ZSWIM8: variants seen among roughly 807,000 people sequenced by gnomAD.
ZSWIM8 encodes the protein zinc finger SWIM-type containing 8.
ZSWIM8 carries 27 observed loss-of-function variants against 173.7 expected under a neutral mutation model. The observed-to-expected ratio is 0.16, with a 90% CI of 0.11 to 0.21. The LOEUF (loss-of-function observed/expected upper bound fraction) is 0.21. ZSWIM8 is among the 10% of genes least tolerant of loss of function. The pLI, the probability that ZSWIM8 is intolerant of heterozygous loss-of-function variation, is 1.00. For missense variants in ZSWIM8, 1,627 were observed against 2,428.8 expected (o/e 0.67, Z 6.94); for synonymous variants, 958 against 962.0 (o/e 1.00, Z 0.08).
Position 73,794,058 on chromosome 10 carries a change from T to C in ZSWIM8, c.2625+14T>C. ...AAGGCCTTGGAGGTCAGAGGCTCCA[T>C]CTCAGCCTTGTATTTCAGTCTCTTT... On this transcript the variant is annotated intron_variant, in intron 12 of 25. Coordinates refer to ENST00000604729, the MANE Select transcript of ZSWIM8 (RefSeq NM_001367799.1). 1 of 1,612,036 alleles carries C rather than the reference T, an allele frequency of 6.2e-7. No individual in the cohort carries two copies. The highest frequency in any genetic ancestry group is 2.2e-5 in the East Asian group (1 of 44,864).
At position 73,801,318 on chromosome 10, in the gene ZSWIM8, C is replaced by T. The variant is rs41306536; in HGVS notation, c.5304C>T (p.Tyr1768=). ...ATCCTGCACACATCCTCCTCCAGTA[C>T]ATCCACCACCGCTTGATTCACCTGA... ...VQRCQQAYMQ[Y]IHHRLIHLTP... is the part of the protein sequence containing the mutation. The change falls in exon 26 of 26, where the codon TAC becomes TAT. Residue 1768 remains tyrosine (Y), a splice_region_variant and synonymous_variant. Transcript: ENST00000604729. The surrounding 1 kb of genome is among the most constrained non-coding windows in gnomAD (Gnocchi z 4.9). 61 of 1,613,726 alleles carry T rather than the reference C, an allele frequency of 3.8e-5. No individual in the cohort carries two copies. Among genetic ancestry groups the T allele is most frequent in the Non-Finnish European group, 5.2e-5 (61 of 1,179,674 alleles).
In ZSWIM8 at chr10:73,792,183, G is replaced by A. The variant is rs778507282; in HGVS notation, c.1644G>A (p.Lys548=). 8.5e-6 allele frequency: 13 copies of A among 1,530,542 alleles called. No individual in the cohort carries two copies. In the South Asian group the frequency reaches 1.7e-4, roughly 20 times the overall value. 94.8% of individuals were successfully genotyped at this position (1,530,542 alleles called of 1,614,324 possible). ...PAVRPKEPGT[K]RKGLGEGVPS... ...TGCGGCCCAAGGAGCCTGGGACCAA[G>A]CGAAAGGGCTTGGGTGAGGGGGTCC... The change falls in exon 10 of 26, where the codon AAG becomes AAA. Residue 548 remains lysine, a synonymous_variant. Coordinates refer to ENST00000604729, the MANE Select transcript of ZSWIM8 (RefSeq NM_001367799.1). This position sits in a 1 kb window ranked among gnomAD's most constrained non-coding sequence, Gnocchi z 4.3.
chr10:73,798,960 A>G (rs1384955483), intron 20 of ZSWIM8, 42 bp from the exon 21 acceptor site: 39 of 1,562,436 alleles, frequency 2.5e-5, no homozygotes, highest in Non-Finnish European at 3.1e-5. Flanking sequence ...TCCATGTGGT[A>G]AAGGCCTTTC....
intron 1 of ZSWIM8, among the ~76,000 whole-genome samples, chr10:73,787,196 G>A (rs778010660): frequency 6.6e-5 from 10 of 152,096 alleles, no homozygotes; most frequent in Non-Finnish European, 1.3e-4. Context: ...TGCGCGCCTC[G>A]GCCTCCCGAA....
chr10:73,789,699 T>C lies in ZSWIM8; in HGVS notation c.631-18T>C, dbSNP rs573496124. 6.3e-6 allele frequency: 10 copies of C among 1,583,114 alleles called. No homozygotes were observed. In the African/African-American group the frequency reaches 1.3e-4, roughly 21 times the overall value. ...ACCTGTTCTCAGATTGTTCCATTTT[T>C]CTCTGTGTCCCCTTCAGGCTTCTGC... On this transcript the variant is annotated intron_variant, in intron 4 of 25. Coordinates refer to ENST00000604729, the MANE Select transcript of ZSWIM8 (RefSeq NM_001367799.1). This position sits in a 1 kb window ranked among gnomAD's most constrained non-coding sequence, Gnocchi z 6.8.
Position 73,789,804 on chromosome 10 carries a change from A to C in ZSWIM8, c.718A>C (p.Ile240Leu), listed in dbSNP as rs2083350909. Residue 240 changes from isoleucine (I) to leucine (L), a missense_variant, in exon 5 of 26, where the codon ATC (isoleucine) becomes CTC (leucine). Physicochemically the swap from Ile to Leu is conservative, Grantham distance 5. Transcript: ENST00000604729. This position sits in a 1 kb window ranked among gnomAD's most constrained non-coding sequence, Gnocchi z 6.8. ...GCTGCAAAAGTTTGCTCAGTACCTC[A>C]TCAGTGAGCTCCCTCAGCAGGTGGG... ...DQLQKFAQYLISELPQQILPT... is the reference protein window; with the variant it reads ...DQLQKFAQYLLSELPQQILPT... 6.2e-7 allele frequency: 1 copy of C among 1,608,424 alleles called. No homozygotes were observed. Among genetic ancestry groups the C allele is most frequent in the Admixed American group, 1.7e-5 (1 of 59,324 alleles).
intron 19 of ZSWIM8, 52 bp from the exon 20 acceptor site, chr10:73,798,178 C>T (rs1589590172): frequency 6.2e-7 from 1 of 1,603,900 alleles, no homozygotes; most frequent in East Asian, 2.2e-5. Context: ...ATTCTCACAC[C>T]CCAGTGGTGC....
chr10:73,801,231 T>C lies in ZSWIM8; in HGVS notation c.5301+36T>C. On this transcript the variant is annotated intron_variant, in intron 25 of 25. Transcript: ENST00000604729. The surrounding 1 kb of genome is among the most constrained non-coding windows in gnomAD (Gnocchi z 4.9). ...AGAATTATGGAGCAGGGTGGAGCAC[T>C]TCCTGGGTGGTCTTGGACCAGAGGG... is the stretch of plus-strand genomic sequence containing the variant. 1.9e-6 allele frequency: 3 copies of C among 1,601,894 alleles called. No homozygotes were observed. Among genetic ancestry groups the C allele is most frequent in the Non-Finnish European group, 2.6e-6 (3 of 1,172,582 alleles).
rs752400212 is a variant in ZSWIM8, at chr10:73,797,084, C to T, written c.3275-29C>T. ...ATGTTGAGGTCCCCTTTCCTGGGCT[C>T]ATCCCAGCGTCCTGTTTTCCTCACC... On this transcript the variant is annotated intron_variant, in intron 16 of 25. Transcript: ENST00000604729. The surrounding 1 kb of genome is among the most constrained non-coding windows in gnomAD (Gnocchi z 5.6). The T allele has an allele frequency of 6.2e-7, 1 of 1,613,192 alleles. No individual in the cohort carries two copies. Among genetic ancestry groups the T allele is most frequent in the Non-Finnish European group, 8.5e-7 (1 of 1,179,488 alleles).
Position 73,785,852 on chromosome 10 carries a change from G to C in ZSWIM8, c.-27G>C, listed in dbSNP as rs754654352. 8 of 1,476,432 alleles carry C rather than the reference G, an allele frequency of 5.4e-6. No homozygotes were observed. Among genetic ancestry groups the C allele is most frequent in the Non-Finnish European group, 7.2e-6 (8 of 1,110,324 alleles). The allele number at this position is 1,476,432 out of a possible 1,614,324, so 91.5% of individuals were successfully genotyped here. The stretch of plus-strand genomic sequence containing the variant: ...CCCAGGCCCCGGATCCGCGGGGGGG[G>C]ACCCGGCCCCGGGGGGTGCGGGCCC... On this transcript the variant is annotated 5_prime_UTR_variant, in exon 1 of 26. Transcript: ENST00000604729.
chr10:73,786,154 A>G, intron 1 of ZSWIM8, 68 bp downstream of exon 1: 1 of 1,410,150 alleles, frequency 7.1e-7, no homozygotes, highest in Non-Finnish European at 9.3e-7. Flanking sequence ...GCTGTCCGGG[A>G]CCAGGAGCTG....
In ZSWIM8 at chr10:73,801,495, C is replaced by A; in HGVS notation, c.5481C>A (p.Leu1827=). The A allele has an allele frequency of 6.2e-7, 1 of 1,613,922 alleles. No individual in the cohort carries two copies. Among genetic ancestry groups the A allele is most frequent in the South Asian group, 1.1e-5 (1 of 91,076 alleles). ...AGGAGCTGTGGCAGCGGGTCTCACT[C>A]GAGATGGCCACCTTCTCCCCCTGAG... ...QTKELWQRVS[L]EMATFSP The change falls in exon 26 of 26, where the codon CTC becomes CTA. Residue 1827 remains leucine (L), a synonymous_variant. Transcript: ENST00000604729. The surrounding 1 kb of genome is among the most constrained non-coding windows in gnomAD (Gnocchi z 4.9).
Position 73,792,650 on chromosome 10 carries a change from C to G in ZSWIM8, c.2111C>G (p.Ser704Cys), listed in dbSNP as rs1176935450. 3 of 1,614,044 alleles carry G rather than the reference C, an allele frequency of 1.9e-6. No individual in the cohort carries two copies. In the African/African-American group the frequency reaches 4.0e-5, roughly 21 times the overall value. The change falls in exon 10 of 26, where the codon TCT (serine) becomes TGT (cysteine). Residue 704 changes from serine to cysteine, a missense_variant. Ser to Cys is a moderately radical substitution (Grantham distance 112, BLOSUM62 -1). Transcript: ENST00000604729. This position sits in a 1 kb window ranked among gnomAD's most constrained non-coding sequence, Gnocchi z 4.3. ...GTCTGTACCCAGGACGACCTCCCTT[C>G]TACAGATGAGAGTGGCAATGGGCTT... ...GDVCTQDDLP[S>C]TDESGNGLPK... is the part of the protein sequence containing the mutation.
chr10:73,795,494 G>T, intron 14 of ZSWIM8, 45 bp from the exon 15 acceptor site: 1 of 1,609,868 alleles, frequency 6.2e-7, no homozygotes, highest in Non-Finnish European at 8.5e-7. Flanking sequence ...GCTGTCTTGG[G>T]AATTATGACT....
rs1195958860 is a variant in ZSWIM8, at chr10:73,794,609, C to G, written c.2878C>G (p.Leu960Val). The change falls in exon 14 of 26, where the codon CTT (leucine) becomes GTT (valine). Residue 960 changes from leucine to valine, a missense_variant. Leu to Val is a conservative substitution (Grantham distance 32, BLOSUM62 1). Around this residue, in one of 18 missense-constraint regions of ZSWIM8, gnomAD observed 169 missense variants for 235.3 expected, o/e 0.72. Transcript: ENST00000604729. ...WNSETPGDEE[L>V]GFEAAVAALG... The stretch of plus-strand genomic sequence containing the variant: ...CAGCGAGACACCTGGGGATGAGGAG[C>G]TTGGATTTGAAGCAGCAGTTGCTGC... The G allele has an allele frequency of 6.4e-7, 1 of 1,555,804 alleles. No homozygotes were observed. Among genetic ancestry groups the G allele is most frequent in the Admixed American group, 1.9e-5 (1 of 51,328 alleles).
At position 73,791,578 on chromosome 10, in the gene ZSWIM8, C is replaced by T. The variant is rs748175064; in HGVS notation, c.1319+79C>T. 1.3e-5 allele frequency: 18 copies of T among 1,415,616 alleles called. No homozygotes were observed. Among genetic ancestry groups the T allele is most frequent in the Non-Finnish European group, 1.6e-5 (17 of 1,064,868 alleles). 87.7% of individuals were successfully genotyped at this position (1,415,616 alleles called of 1,614,324 possible). A position where few individuals can be genotyped will look rare whatever the true frequency, so the allele number is the denominator to read the frequency against. Reference sequence around the variant, plus strand: ...GACTGAGCCTTCATCTCCTTGTTTGCAGAGACATACCATGATTTTAGTCCT... The same window carrying T: ...GACTGAGCCTTCATCTCCTTGTTTGTAGAGACATACCATGATTTTAGTCCT... On this transcript the variant is annotated intron_variant, in intron 9 of 25. Coordinates refer to ENST00000604729, the MANE Select transcript of ZSWIM8 (RefSeq NM_001367799.1). The surrounding 1 kb of genome is among the most constrained non-coding windows in gnomAD (Gnocchi z 6.0).
Position 73,797,799 on chromosome 10 carries a change from C to G in ZSWIM8, c.3681C>G (p.Pro1227=), listed in dbSNP as rs774330043. ...VEVGRYKGRR[P]ESHAPHVPNQ... is the part of the protein sequence containing the mutation. The stretch of plus-strand genomic sequence containing the variant: ...CCTTCAGGTACAAGGGCCGCCGCCC[C>G]GAGAGTCATGCCCCTCATGTACCCA... Residue 1227 remains proline (P), a synonymous_variant, in exon 19 of 26, where the codon CCC becomes CCG. Transcript: ENST00000604729. This position sits in a 1 kb window ranked among gnomAD's most constrained non-coding sequence, Gnocchi z 5.6. 24 of 1,613,022 alleles carry G rather than the reference C, an allele frequency of 1.5e-5. No individual in the cohort carries two copies. Among genetic ancestry groups the G allele is most frequent in the Non-Finnish European group, 2.0e-5 (24 of 1,179,146 alleles).
In ZSWIM8 at chr10:73,785,980, C is replaced by A; in HGVS notation, c.102C>A (p.Ala34=). 1 of 1,597,164 alleles carries A rather than the reference C, an allele frequency of 6.3e-7. No individual in the cohort carries two copies. Among genetic ancestry groups the A allele is most frequent in the Non-Finnish European group, 8.5e-7 (1 of 1,172,134 alleles). The part of the protein sequence containing the change: ...EDSLCSFISE[A]ESLCQNWRGW... Reference sequence around the variant, plus strand: ...CACTCTGTTCCTTCATCTCCGAGGCCGAGAGCCTCTGCCAGAACTGGCGGG... The same window carrying A: ...CACTCTGTTCCTTCATCTCCGAGGCAGAGAGCCTCTGCCAGAACTGGCGGG... The change falls in exon 1 of 26, where the codon GCC becomes GCA. Residue 34 remains alanine, a synonymous_variant. Coordinates refer to ENST00000604729, the MANE Select transcript of ZSWIM8 (RefSeq NM_001367799.1).
At position 73,797,443 on chromosome 10, in the gene ZSWIM8, G is replaced by C; in HGVS notation, c.3500G>C (p.Arg1167Thr). 1 of 1,613,966 alleles carries C rather than the reference G, an allele frequency of 6.2e-7. No homozygotes were observed. The highest frequency in any genetic ancestry group is 8.5e-7 in the Non-Finnish European group (1 of 1,179,862). Residue 1167 changes from arginine (R) to threonine (T), a missense_variant, in exon 18 of 26, where the codon AGA becomes ACA. Physicochemically the swap from Arg to Thr is moderately conservative, Grantham distance 71. Around this residue, in one of 18 missense-constraint regions of ZSWIM8, gnomAD observed 72 missense variants for 98.4 expected, o/e 0.73. Coordinates refer to ENST00000604729, the MANE Select transcript of ZSWIM8 (RefSeq NM_001367799.1). This position sits in a 1 kb window ranked among gnomAD's most constrained non-coding sequence, Gnocchi z 5.6. ...TSDSSPTLSR[R>T]PLRGGWAPTS... ...GATAGTTCCCCCACCTTAAGCCGGAGACCACTTCGAGGGGGCTGGGCCCCC... is the reference window on the plus strand; with the variant it reads ...GATAGTTCCCCCACCTTAAGCCGGACACCACTTCGAGGGGGCTGGGCCCCC...
Sources: allele counts gnomAD v4.1 joint callset (sites outside exome capture counted in the v4.1 genomes callset), GRCh38; gene constraint gnomAD v4.1.1; regional missense constraint gnomAD v4.1.1; non-coding constraint Gnocchi (gnomAD v3.1); transcripts MANE v1.5; gene names NCBI Gene and HGNC (gene_info 2026-07-23, HGNC 2026-07-21).